BLTP3A: variants seen among roughly 807,000 people sequenced by gnomAD.
The protein encoded by BLTP3A is ICBP90 binding protein 1.
At chr6:34,824,702 GCT>G in the BLTP3A span, among the ~76,000 whole-genome samples, 18 of 150,464 alleles carry the variant, frequency 1.2e-4, no homozygotes, top group South Asian at 2.1e-4. Flanking sequence ...ACAGGGTCTC[GCT>G]CTGTCACCCA....
the BLTP3A span, among the ~76,000 whole-genome samples, chr6:34,828,646 G>C: frequency 6.6e-6 from 1 of 151,870 alleles, no homozygotes; most frequent in East Asian, 1.9e-4. Flanking sequence ...GTTAAACATG[G>C]TTCAGCAATA....
the BLTP3A span, chr6:34,834,271 T>C: frequency 6.2e-7 from 1 of 1,614,158 alleles, no homozygotes; most frequent in Non-Finnish European, 8.5e-7. Context: ...TTGTCAATTC[T>C]ATCACCATCA....
the BLTP3A span, among the ~76,000 whole-genome samples, chr6:34,832,684 C>T: frequency 6.6e-6 from 1 of 151,842 alleles, no homozygotes; most frequent in Admixed American, 6.6e-5. Flanking sequence ...CTCCTGGGCT[C>T]AAATGATCCT....
the BLTP3A span, among the ~76,000 whole-genome samples, chr6:34,855,273 T>C: frequency 2.0e-5 from 3 of 152,184 alleles, no homozygotes; most frequent in Non-Finnish European, 4.4e-5. Context: ...AATACTAGGA[T>C]TGGGGAAACA....
At chr6:34,816,593 A>G in the BLTP3A span, among the ~76,000 whole-genome samples, 18 of 152,176 alleles carry the variant, frequency 1.2e-4, no homozygotes, top group African/African-American at 4.3e-4. Context: ...AGCTTGGATG[A>G]TAGAGTGAGA....
At chr6:34,823,790 C>T in the BLTP3A span, among the ~76,000 whole-genome samples, 1 of 151,322 alleles carries the variant, frequency 6.6e-6, no homozygotes, top group South Asian at 2.1e-4. Flanking sequence ...CCACCTCAGC[C>T]TCCCCAAAGC....
At chr6:34,866,479 A>T in the BLTP3A span, among the ~76,000 whole-genome samples, 1 of 152,024 alleles carries the variant, frequency 6.6e-6, no homozygotes, top group African/African-American at 2.4e-5. Flanking sequence ...CCTTCATCTC[A>T]TAATATTTTG....
At chr6:34,821,439 T>TAAAAAAA in the BLTP3A span, 1 of 406,998 alleles carries the variant, frequency 2.5e-6, no homozygotes, top group Non-Finnish European at 4.4e-6. Flanking sequence ...TGAGTGCATT[T>TAAAAAAA]GTTCTGGCTG....
chr6:34,858,420 G>A, the BLTP3A span: 1 of 1,614,104 alleles, frequency 6.2e-7, no homozygotes, highest in South Asian at 1.1e-5. Flanking sequence ...AGAGACCTAA[G>A]GCTTCCTGGG....
chr6:34,871,048 G>A, the BLTP3A span: 1 of 1,614,152 alleles, frequency 6.2e-7, no homozygotes, highest in Non-Finnish European at 8.5e-7. Flanking sequence ...GCCCTTCTTG[G>A]AGGATGAGGA....
At chr6:34,866,790 A>T in the BLTP3A span, among the ~76,000 whole-genome samples, 1 of 152,148 alleles carries the variant, frequency 6.6e-6, no homozygotes, top group Non-Finnish European at 1.5e-5. Context: ...TTATTTTTAT[A>T]AATTTGCCTA....
chr6:34,869,034 C>T, the BLTP3A span, among the ~76,000 whole-genome samples: 5 of 151,866 alleles, frequency 3.3e-5, no homozygotes, highest in African/African-American at 1.2e-4. Flanking sequence ...GAGACACAGT[C>T]TTGCTCTGTT....
At chr6:34,858,792 T>G in the BLTP3A span, 1 of 1,614,074 alleles carries the variant, frequency 6.2e-7, no homozygotes, top group South Asian at 1.1e-5. Flanking sequence ...AGCTGGAGGA[T>G]GTAGCAGATG....
the BLTP3A span, chr6:34,836,410 G>C: frequency 6.7e-7 from 1 of 1,493,940 alleles, no homozygotes; most frequent in Non-Finnish European, 9.2e-7. Context: ...TCTGGGCAGA[G>C]CCTGGGGATG....
At chr6:34,834,730 T>C in the BLTP3A span, 1 of 1,613,974 alleles carries the variant, frequency 6.2e-7, no homozygotes, top group South Asian at 1.1e-5. Flanking sequence ...GGTTTTAACA[T>C]TTAAGGAAAT....
the BLTP3A span, chr6:34,856,423 A>G: frequency 1.3e-4 from 217 of 1,611,718 alleles, 3 homozygotes; most frequent in East Asian, 4.8e-3. Context: ...GGTTATGAGG[A>G]ACTGGAAGAC....
chr6:34,842,106 A>C, the BLTP3A span, among the ~76,000 whole-genome samples: 1 of 152,210 alleles, frequency 6.6e-6, no homozygotes, highest in Non-Finnish European at 1.5e-5. Context: ...ACCCTACTAT[A>C]ATAAGCTCAT....
At chr6:34,835,456 C>T in the BLTP3A span, 1 of 1,613,856 alleles carries the variant, frequency 6.2e-7, no homozygotes, top group African/African-American at 1.3e-5. Context: ...GGCCCCTGAA[C>T]CTGTGCAGGT....
chr6:34,811,683 C>A, the BLTP3A span, among the ~76,000 whole-genome samples: 8 of 119,358 alleles, frequency 6.7e-5, no homozygotes, highest in South Asian at 1.4e-3. Flanking sequence ...GACCCCCCCC[C>A]CCGCATCTCT....
Sources: gnomAD v4.1 joint callset for allele counts (sites outside exome capture counted in the v4.1 genomes callset) on GRCh38, gnomAD v4.1.1 for gene constraint, MANE v1.5 for transcripts, NCBI Gene and HGNC (gene_info 2026-07-23, HGNC 2026-07-21) for gene names.